The following GOLM2 variants were observed in gnomAD, a reference collection of about 807,000 sequenced individuals.
GOLM2 encodes protein GOLM2.
A neutral mutation model predicts 55.9 loss-of-function variants in GOLM2; 26 were observed. The observed-to-expected ratio is 0.47, with a 90% CI of 0.34 to 0.65. The LOEUF (loss-of-function observed/expected upper bound fraction) is 0.65. Ranked by LOEUF, GOLM2 falls within the 30% of genes least tolerant of loss-of-function variation. The pLI, the probability that GOLM2 is intolerant of heterozygous loss-of-function variation, is 0.01. For missense variants in GOLM2, 486 were observed against 531.8 expected (o/e 0.91, Z 0.85); for synonymous variants, 165 against 194.6 (o/e 0.85, Z 1.27).
rs2079024153 is a variant in GOLM2 at position 44,331,874 on chromosome 15, A to T, written c.486-114A>T. On this transcript the variant is annotated intron_variant, in intron 3 of 9. Transcript: ENST00000299957. ...TTGTATGCTCTGTTTTTTCCAGCCC[A>T]CTCTCCCCTGCTAACTGAGTGTTTT... 31 of 697,626 alleles carry T rather than the reference A, an allele frequency of 4.4e-5. 1 individual carries two copies. In the South Asian group the frequency reaches 5.3e-4, roughly 12 times the overall value. 43.2% of individuals were successfully genotyped at this position (697,626 alleles called of 1,614,324 possible). A position where few individuals can be genotyped will look rare whatever the true frequency, so the allele number is the denominator to read the frequency against.
chr15:44,391,739 G>A (rs897300104), intron 8 of GOLM2, among the ~76,000 whole-genome samples: 1 of 152,104 alleles, frequency 6.6e-6, no homozygotes, highest in African/African-American at 2.4e-5. Flanking sequence ...ATACAAAACT[G>A]ACAGAAAAAG....
intron 2 of GOLM2, among the ~76,000 whole-genome samples, chr15:44,326,353 A>AT (rs1400681100): frequency 6.6e-6 from 1 of 151,454 alleles, no homozygotes; most frequent in African/African-American, 2.4e-5. Flanking sequence ...TGAATCATTG[A>AT]TTTTTTCATA....
chr15:44,356,289 C>A (rs1336185101), intron 6 of GOLM2, among the ~76,000 whole-genome samples: 1 of 151,650 alleles, frequency 6.6e-6, no homozygotes, highest in African/African-American at 2.4e-5. Flanking sequence ...TCAATGAAAC[C>A]AATAGCTGGT....
chr15:44,374,428 C>G (rs987873888), intron 6 of GOLM2, among the ~76,000 whole-genome samples: 3 of 151,896 alleles, frequency 2.0e-5, no homozygotes, highest in African/African-American at 7.3e-5. Flanking sequence ...GTGGGAGGAT[C>G]ACTTGAGCTC....
intron 6 of GOLM2, among the ~76,000 whole-genome samples, chr15:44,354,073 TAGA>T (rs1382359355): frequency 6.6e-6 from 1 of 151,846 alleles, no homozygotes; most frequent in Admixed American, 6.6e-5. Context: ...CCACAAAAAT[TAGA>T]AGAAGAAAAT....
chr15:44,375,748 T>A (rs2079360416), intron 6 of GOLM2, among the ~76,000 whole-genome samples: 1 of 152,102 alleles, frequency 6.6e-6, no homozygotes, highest in African/African-American at 2.4e-5. Flanking sequence ...ACTGGTGCAC[T>A]CCAGCCTGAG....
At chr15:44,332,719 G>A (rs1433202890) in intron 4 of GOLM2, among the ~76,000 whole-genome samples, 1 of 151,872 alleles carries the variant, frequency 6.6e-6, no homozygotes, top group Non-Finnish European at 1.5e-5. Context: ...AGAAAAAAAA[G>A]AAACACTTTT....
chr15:44,375,117 T>C (rs2079356152), intron 6 of GOLM2, among the ~76,000 whole-genome samples: 1 of 152,036 alleles, frequency 6.6e-6, no homozygotes, highest in Admixed American at 6.6e-5. Context: ...ACCTCCTGGG[T>C]TCAAGCGATT....
At position 44,289,455 on chromosome 15, in the gene GOLM2, G is replaced by C. The variant is rs2078705225; in HGVS notation, c.327+99G>C. 8.9e-7 allele frequency: 1 copy of C among 1,129,856 alleles called. No individual in the cohort carries two copies. The allele number at this position is 1,129,856 out of a possible 1,614,324, so 70.0% of individuals were successfully genotyped here. A position where few individuals can be genotyped will look rare whatever the true frequency, so the allele number is the denominator to read the frequency against. Reference sequence around the variant, plus strand: ...GCTAGCTGTTGTCTTATGCCTTCCAGTATTTCAGTCCTGAAGGCTCCTTTC... The same window carrying C: ...GCTAGCTGTTGTCTTATGCCTTCCACTATTTCAGTCCTGAAGGCTCCTTTC... On this transcript the variant is annotated intron_variant, in intron 1 of 9. Coordinates refer to ENST00000299957, the MANE Select transcript of GOLM2 (RefSeq NM_138423.4). The surrounding 1 kb of genome is among the most constrained non-coding windows in gnomAD (Gnocchi z 4.8).
At chr15:44,366,681 G>A (rs1442697234) in intron 6 of GOLM2, among the ~76,000 whole-genome samples, 1 of 152,048 alleles carries the variant, frequency 6.6e-6, no homozygotes, top group African/African-American at 2.4e-5. Flanking sequence ...TGATGTGTGA[G>A]AGGAGGAAAA....
At chr15:44,367,804 A>AG (rs1455077616) in intron 6 of GOLM2, among the ~76,000 whole-genome samples, 1 of 152,044 alleles carries the variant, frequency 6.6e-6, no homozygotes, top group Non-Finnish European at 1.5e-5. Context: ...AAAAAAAAAA[A>AG]AGATGCAGTT....
chr15:44,297,165 T>TA (rs1174233301), intron 1 of GOLM2, among the ~76,000 whole-genome samples: 6 of 152,114 alleles, frequency 3.9e-5, no homozygotes, highest in South Asian at 2.1e-4. Flanking sequence ...TTGATCGAAT[T>TA]AAAAAAAACG....
At chr15:44,360,763 C>T (rs1416528285) in intron 6 of GOLM2, among the ~76,000 whole-genome samples, 8 of 152,086 alleles carry the variant, frequency 5.3e-5, no homozygotes, top group Admixed American at 4.6e-4. Context: ...TTTTTCAGCA[C>T]CACACCGTAC....
intron 6 of GOLM2, among the ~76,000 whole-genome samples, chr15:44,353,907 G>A (rs764983382): frequency 4.6e-5 from 7 of 152,090 alleles, no homozygotes; most frequent in Admixed American, 2.0e-4. Flanking sequence ...TTAATTCTAT[G>A]TTTTTAAACA....
At chr15:44,359,772 G>A (rs2079224021) in intron 6 of GOLM2, among the ~76,000 whole-genome samples, 3 of 152,148 alleles carry the variant, frequency 2.0e-5, no homozygotes, top group Admixed American at 2.0e-4. Flanking sequence ...AAGTTGAAAT[G>A]AAGGAAAAAA....
At chr15:44,298,431 T>TG (rs2045875299) in intron 1 of GOLM2, among the ~76,000 whole-genome samples, 1 of 115,120 alleles carries the variant, frequency 8.7e-6, no homozygotes, top group South Asian at 2.9e-4. Context: ...GGCCGGCTAA[T>TG]TTTTTTTTTT....
intron 9 of GOLM2, among the ~76,000 whole-genome samples, chr15:44,412,867 G>A (rs2079647448): frequency 6.6e-6 from 1 of 152,022 alleles, no homozygotes; most frequent in Non-Finnish European, 1.5e-5. Context: ...GCCAGGCATG[G>A]TGACAGGTGC....
chr15:44,365,408 T>A (rs1387247617), intron 6 of GOLM2, among the ~76,000 whole-genome samples: 1 of 151,984 alleles, frequency 6.6e-6, no homozygotes, highest in African/African-American at 2.4e-5. Context: ...GTGACTGTAA[T>A]CTCAGCTACC....
At chr15:44,351,652 GTT>G (rs1414758729) in intron 6 of GOLM2, among the ~76,000 whole-genome samples, 1 of 148,864 alleles carries the variant, frequency 6.7e-6, no homozygotes, top group East Asian at 2.0e-4. Flanking sequence ...AATTATCCTT[GTT>G]TGCAGGTGAT....
Sources: allele counts gnomAD v4.1 joint callset (sites outside exome capture counted in the v4.1 genomes callset), GRCh38; gene constraint gnomAD v4.1.1; non-coding constraint Gnocchi (gnomAD v3.1); transcripts MANE v1.5; gene names NCBI Gene and HGNC (gene_info 2026-07-23, HGNC 2026-07-21).